EPS8: variants seen among roughly 807,000 people sequenced by gnomAD.
EPS8 encodes the protein EGFR pathway substrate 8, signaling adaptor, also known as epidermal growth factor receptor kinase substrate 8.
Under a neutral mutation model 103.8 loss-of-function variants are expected in EPS8, and 42 were observed. The ratio of observed to expected loss-of-function variants is 0.40; its 90% confidence interval spans 0.32 to 0.52. The LOEUF is 0.52. Ranked by LOEUF, EPS8 falls within the 20% of genes least tolerant of loss-of-function variation. The probability of loss-of-function intolerance (pLI) is 0.40; values close to 1 mark genes in which losing one functional copy is unlikely to be tolerated. For synonymous variants in EPS8, 344 were observed against 344.6 expected (o/e 1.00, Z 0.02); for missense variants, 969 against 1,005.1 (o/e 0.96, Z 0.49).
rs1946548986 is a variant in EPS8, at chr12:15,717,752, G to A, written c.-21-34780C>T. On this transcript the variant is annotated intron_variant, in intron 1 of 20. Transcript: ENST00000281172. The surrounding 1 kb of genome is among the most constrained non-coding windows in gnomAD (Gnocchi z 4.3). ...AGATGGCATTAGTAGTCTAAGTTAG[G>A]AAAATATTGATTTGAGAAAAATGAA... 6.6e-6 allele frequency among the ~76,000 whole-genome samples: 1 copy of A among 152,092 alleles called. No individual in the cohort carries two copies. Among genetic ancestry groups the A allele is most frequent in the African/African-American group, 2.4e-5 (1 of 41,408 alleles).
chr12:15,669,266 C>T (rs542034135), intron 6 of EPS8, 121 bp downstream of exon 6: 76 of 801,560 alleles, frequency 9.5e-5, no homozygotes, highest in South Asian at 4.7e-4. Context: ...GTTTTCCTTA[C>T]GAGATGCTCA....
chr12:15,729,943 G>A (rs568483129), intron 1 of EPS8, among the ~76,000 whole-genome samples: 7 of 152,050 alleles, frequency 4.6e-5, no homozygotes, highest in Non-Finnish European at 7.4e-5. Context: ...AGTATCTCTC[G>A]ATTAATCCTG....
chr12:15,623,113 C>T (rs370533224), intron 20 of EPS8, 45 bp downstream of exon 20: 30 of 1,562,590 alleles, frequency 1.9e-5, no homozygotes, highest in Middle Eastern at 1.7e-4. Context: ...GTTTCCAGAG[C>T]TTTCAATTTG....
At chr12:15,709,357 G>T (rs1018971193) in intron 1 of EPS8, among the ~76,000 whole-genome samples, 1 of 152,168 alleles carries the variant, frequency 6.6e-6, no homozygotes, top group Non-Finnish European at 1.5e-5. Context: ...TTTAATGGCA[G>T]TGGTCAGTAA....
At position 15,695,343 on chromosome 12, in the gene EPS8, T is replaced by G. The variant is rs1452556159; in HGVS notation, c.-21-12371A>C. Among the ~76,000 whole-genome samples, 2 of 152,222 alleles carry G rather than the reference T, an allele frequency of 1.3e-5. No individual in the cohort carries two copies. The highest frequency in any genetic ancestry group is 2.9e-5 in the Non-Finnish European group (2 of 68,048). ...GTACTACTTCATTCATTCGCTCATT[T>G]AACAAATAATTACTACGTAACCAGA... is the stretch of plus-strand genomic sequence containing the variant. On this transcript the variant is annotated intron_variant, in intron 1 of 20. Coordinates refer to ENST00000281172, the MANE Select transcript of EPS8 (RefSeq NM_004447.6). The surrounding 1 kb of genome is among the most constrained non-coding windows in gnomAD (Gnocchi z 5.0).
chr12:15,683,371 T>C (rs1248683687), intron 1 of EPS8: 1 of 153,798 alleles, frequency 6.5e-6, no homozygotes, highest in Non-Finnish European at 1.4e-5. Flanking sequence ...AGTTGAGAAA[T>C]ACAGAAAAGT....
chr12:15,727,214 T>A lies in EPS8; in HGVS notation c.-21-44242A>T, dbSNP rs949034739. 2.0e-5 allele frequency among the ~76,000 whole-genome samples: 3 copies of A among 152,204 alleles called. No individual in the cohort carries two copies. Among genetic ancestry groups the A allele is most frequent in the Non-Finnish European group, 4.4e-5 (3 of 68,034 alleles). ...CTGGGCACCTGGGGTTCTGATTACTTCCCTCGTGGATTTAATATCTACCTT... is the reference window on the plus strand; with the variant it reads ...CTGGGCACCTGGGGTTCTGATTACTACCCTCGTGGATTTAATATCTACCTT... On this transcript the variant is annotated intron_variant, in intron 1 of 20. Coordinates refer to ENST00000281172, the MANE Select transcript of EPS8 (RefSeq NM_004447.6). This position sits in a 1 kb window ranked among gnomAD's most constrained non-coding sequence, Gnocchi z 4.3.
In EPS8 at chr12:15,760,484, C is replaced by A. The variant is rs185071283; in HGVS notation, c.-22+28677G>T. Among the ~76,000 whole-genome samples, 2 of 151,968 alleles carry A rather than the reference C, an allele frequency of 1.3e-5. No individual in the cohort carries two copies. Among genetic ancestry groups the A allele is most frequent in the Admixed American group, 6.6e-5 (1 of 15,250 alleles). ...CCCAGTATTACCCTGATAACAGAAC[C>A]AAAGACATACCAAAAAGGGAAACTA... On this transcript the variant is annotated intron_variant, in intron 1 of 20. Coordinates refer to ENST00000281172, the MANE Select transcript of EPS8 (RefSeq NM_004447.6). This position sits in a 1 kb window ranked among gnomAD's most constrained non-coding sequence, Gnocchi z 4.5.
chr12:15,677,312 T>C (rs1292058187), intron 3 of EPS8, among the ~76,000 whole-genome samples: 1 of 152,212 alleles, frequency 6.6e-6, no homozygotes, highest in Non-Finnish European at 1.5e-5. Context: ...AGCCATTTGG[T>C]AGCAGTACCA....
intron 18 of EPS8, among the ~76,000 whole-genome samples, chr12:15,629,214 TG>T (rs1034355429): frequency 6.6e-6 from 1 of 152,200 alleles, no homozygotes; most frequent in Non-Finnish European, 1.5e-5. Flanking sequence ...TTTAAAAGTA[TG>T]CAAACTATGC....
chr12:15,706,873 T>C lies in EPS8; in HGVS notation c.-21-23901A>G, dbSNP rs189982149. 9.8e-5 allele frequency among the ~76,000 whole-genome samples: 15 copies of C among 152,298 alleles called. No homozygotes were observed. Among genetic ancestry groups the C allele is most frequent in the Admixed American group, 7.8e-4 (12 of 15,296 alleles). ...TACATACTAACTAAATTTATACAAA[T>C]GCCCATATTTGATATCTAGTTAGCA... On this transcript the variant is annotated intron_variant, in intron 1 of 20. Transcript: ENST00000281172. The surrounding 1 kb of genome is among the most constrained non-coding windows in gnomAD (Gnocchi z 5.2).
chr12:15,723,641 G>T (rs895383789), intron 1 of EPS8, among the ~76,000 whole-genome samples: 4 of 152,062 alleles, frequency 2.6e-5, no homozygotes, highest in African/African-American at 9.7e-5. Context: ...TTCAAAAAAG[G>T]TTATAGATTA....
intron 1 of EPS8, among the ~76,000 whole-genome samples, chr12:15,729,056 T>C (rs1256961870): frequency 6.6e-6 from 1 of 152,234 alleles, no homozygotes; most frequent in Non-Finnish European, 1.5e-5. Flanking sequence ...TCCAATACTT[T>C]ACATACTTCA....
chr12:15,687,023 T>A lies in EPS8; in HGVS notation c.-21-4051A>T, dbSNP rs769374743. Among the ~76,000 whole-genome samples the A allele has an allele frequency of 3.6e-4, 54 of 152,060 alleles. 2 individuals carry two copies. Among genetic ancestry groups the A allele is most frequent in the Admixed American group, 8.5e-4 (13 of 15,248 alleles). On this transcript the variant is annotated intron_variant, in intron 1 of 20. Coordinates refer to ENST00000281172, the MANE Select transcript of EPS8 (RefSeq NM_004447.6). The stretch of plus-strand genomic sequence containing the variant: ...TAAGTTACAACCAAGTGGGAGGGGG[T>A]ATTATCATTACTTAGGATTTTCACT...
chr12:15,711,259 T>C lies in EPS8; in HGVS notation c.-21-28287A>G, dbSNP rs146478702. Among the ~76,000 whole-genome samples the C allele has an allele frequency of 7.0e-4, 106 of 152,152 alleles. 1 individual carries two copies. The highest frequency in any genetic ancestry group is 2.4e-3 in the African/African-American group (99 of 41,500). ...TGTCACCTTAAAACTCCAAGGTTCA[T>C]ACCTACCTTGACGATTTAATGACAA... On this transcript the variant is annotated intron_variant, in intron 1 of 20. Coordinates refer to ENST00000281172, the MANE Select transcript of EPS8 (RefSeq NM_004447.6).
chr12:15,742,554 T>C (rs1002347763), intron 1 of EPS8, among the ~76,000 whole-genome samples: 1 of 152,198 alleles, frequency 6.6e-6, no homozygotes, highest in Non-Finnish European at 1.5e-5. Flanking sequence ...ATCAAAAAGC[T>C]TATCCACCAC....
chr12:15,715,714 C>A (rs1290458923), intron 1 of EPS8, among the ~76,000 whole-genome samples: 2 of 152,010 alleles, frequency 1.3e-5, no homozygotes, highest in African/African-American at 4.8e-5. Flanking sequence ...GTCTCGAAAT[C>A]CTGACCTCAG....
chr12:15,632,192 A>G (rs1945058702), intron 17 of EPS8, among the ~76,000 whole-genome samples: 1 of 152,190 alleles, frequency 6.6e-6, no homozygotes, highest in Non-Finnish European at 1.5e-5. Flanking sequence ...CTAATTTATT[A>G]AAATTAGAAA....
At chr12:15,758,480 T>C (rs1350922073) in intron 1 of EPS8, among the ~76,000 whole-genome samples, 3 of 152,208 alleles carry the variant, frequency 2.0e-5, no homozygotes, top group African/African-American at 7.2e-5. Context: ...TAGCCACATA[T>C]GACCATTGAG....
Sources: allele counts gnomAD v4.1 joint callset (sites outside exome capture counted in the v4.1 genomes callset), GRCh38; gene constraint gnomAD v4.1.1; non-coding constraint Gnocchi (gnomAD v3.1); transcripts MANE v1.5; gene names NCBI Gene and HGNC (gene_info 2026-07-23, HGNC 2026-07-21).